The following CAST variants were observed in gnomAD, a reference collection of about 807,000 sequenced individuals.
CAST encodes the protein MIR583 host.
CAST carries 76 observed loss-of-function variants against 119.6 expected under a neutral mutation model. The observed-to-expected ratio is 0.64, with a 90% CI of 0.53 to 0.77. CAST has a LOEUF of 0.77. CAST is among the 30% of genes least tolerant of loss of function. The probability of loss-of-function intolerance (pLI) is 0.00; values close to 1 mark genes in which losing one functional copy is unlikely to be tolerated. For missense variants in CAST, 953 were observed against 946.5 expected, an observed-to-expected ratio of 1.01 and a Z score of -0.09; for synonymous variants, 319 against 331.6, an observed-to-expected ratio of 0.96 and a Z score of 0.41.
chr5:96,147,558 G>A, the CAST span, among the ~76,000 whole-genome samples: 454 of 152,070 alleles, frequency 3.0e-3, 2 homozygotes, highest in Non-Finnish European at 4.8e-3. Flanking sequence ...AGCCGAGATC[G>A]CACCACTGCA....
At chr5:96,762,104 T>C (rs1263209357) in intron 24 of CAST, 170 bp from the exon 25 acceptor site, 6 of 445,936 alleles carry the variant, frequency 1.3e-5, no homozygotes, top group Middle Eastern at 1.2e-3. Context: ...AATAATACAA[T>C]AGAGAAGAAA....
At chr5:96,184,673 A>G in the CAST span, among the ~76,000 whole-genome samples, 1 of 152,062 alleles carries the variant, frequency 6.6e-6, no homozygotes, top group Non-Finnish European at 1.5e-5. Context: ...TGTCTCTGCA[A>G]AGGACATGAT....
At chr5:96,309,105 T>C in the CAST span, among the ~76,000 whole-genome samples, 5 of 152,332 alleles carry the variant, frequency 3.3e-5, no homozygotes, top group East Asian at 9.6e-4. Flanking sequence ...GGGGCTTTTA[T>C]CTATAAGTCC....
the CAST span, among the ~76,000 whole-genome samples, chr5:95,990,238 GT>G: frequency 6.6e-6 from 1 of 152,098 alleles, no homozygotes; most frequent in Non-Finnish European, 1.5e-5. Context: ...ATAGTATCAT[GT>G]CCAGAGTCAG....
chr5:96,275,053 C>T, the CAST span, among the ~76,000 whole-genome samples: 8 of 152,258 alleles, frequency 5.3e-5, no homozygotes, highest in South Asian at 4.1e-4. Flanking sequence ...TCAATTAACA[C>T]GTTGAGGTGG....
chr5:96,669,905 T>A (rs976172771), intron 1 of CAST, among the ~76,000 whole-genome samples: 1 of 152,236 alleles, frequency 6.6e-6, no homozygotes, highest in Non-Finnish European at 1.5e-5. Flanking sequence ...GAAAAATTTA[T>A]CCATGGCAAG....
chr5:96,176,354 C>G, the CAST span, among the ~76,000 whole-genome samples: 1 of 152,294 alleles, frequency 6.6e-6, no homozygotes, highest in Admixed American at 6.5e-5. Flanking sequence ...AGGAAAAGGA[C>G]AACTTTTATT....
the CAST span, among the ~76,000 whole-genome samples, chr5:96,314,537 G>T: frequency 6.6e-6 from 1 of 152,136 alleles, no homozygotes; most frequent in African/African-American, 2.4e-5. Context: ...AACATGGCAG[G>T]ATCCTTCATG....
intron 1 of CAST, among the ~76,000 whole-genome samples, chr5:96,580,410 G>T (rs1233157533): frequency 6.6e-6 from 1 of 152,164 alleles, no homozygotes; most frequent in Non-Finnish European, 1.5e-5. Context: ...ACCAAATAGA[G>T]AACTTCGTTA....
At chr5:96,539,370 T>C (rs1745874980) in intron 1 of CAST, among the ~76,000 whole-genome samples, 1 of 152,236 alleles carries the variant, frequency 6.6e-6, no homozygotes, top group Admixed American at 6.5e-5. Context: ...TTAATTGACA[T>C]TTTATTATTT....
the CAST span, among the ~76,000 whole-genome samples, chr5:96,021,895 C>G: frequency 6.6e-6 from 1 of 152,184 alleles, no homozygotes; most frequent in Non-Finnish European, 1.5e-5. Context: ...AACAGTTGGT[C>G]TTGCCTATCA....
intron 1 of CAST, among the ~76,000 whole-genome samples, chr5:96,630,718 G>A (rs930204963): frequency 6.6e-6 from 1 of 152,024 alleles, no homozygotes; most frequent in East Asian, 1.9e-4. Flanking sequence ...CCTGGGAGGC[G>A]GAGGTTGCAG....
intron 1 of CAST, among the ~76,000 whole-genome samples, chr5:96,623,987 C>T (rs1747668497): frequency 6.6e-6 from 1 of 152,198 alleles, no homozygotes; most frequent in Non-Finnish European, 1.5e-5. Flanking sequence ...GTGGGAGCCA[C>T]TGTGCCTGGC....
At chr5:96,469,382 T>A in the CAST span, among the ~76,000 whole-genome samples, 1 of 152,020 alleles carries the variant, frequency 6.6e-6, no homozygotes, top group African/African-American at 2.4e-5. Context: ...TGTGAAAAGA[T>A]CAGGCTCTTG....
the CAST span, among the ~76,000 whole-genome samples, chr5:96,230,030 T>G: frequency 6.6e-6 from 1 of 152,298 alleles, no homozygotes; most frequent in South Asian, 2.1e-4. Context: ...AAGCAGACAC[T>G]TTCTTGTGCT....
chr5:96,543,471 A>T (rs1745954076), intron 1 of CAST, among the ~76,000 whole-genome samples: 1 of 152,192 alleles, frequency 6.6e-6, no homozygotes, highest in African/African-American at 2.4e-5. Context: ...TGGATGCAGC[A>T]AACCACCATG....
At chr5:96,555,991 G>A (rs919188830) in intron 1 of CAST, among the ~76,000 whole-genome samples, 25 of 152,198 alleles carry the variant, frequency 1.6e-4, no homozygotes, top group African/African-American at 5.5e-4. Flanking sequence ...TCACATGGCT[G>A]GGTACTCCTC....
At chr5:96,045,218 C>T in the CAST span, among the ~76,000 whole-genome samples, 11 of 152,060 alleles carry the variant, frequency 7.2e-5, no homozygotes, top group Middle Eastern at 3.4e-3. Flanking sequence ...CTGGGCATGG[C>T]GGCAGGCGCC....
chr5:96,036,237 G>T, the CAST span, among the ~76,000 whole-genome samples: 2 of 151,902 alleles, frequency 1.3e-5, no homozygotes, highest in South Asian at 4.1e-4. Context: ...CCTTGAGAGA[G>T]GTGGGAGTGA....
Sources: gnomAD v4.1 joint callset for allele counts (sites outside exome capture counted in the v4.1 genomes callset) on GRCh38, gnomAD v4.1.1 for gene constraint, MANE v1.5 for transcripts, NCBI Gene and HGNC (gene_info 2026-07-23, HGNC 2026-07-21) for gene names.